Variants in SLC30A8 observed in about 807,000 individuals in gnomAD.
SLC30A8 encodes solute carrier family 30 member 8.
In SLC30A8, 27 loss-of-function variants were observed where a neutral mutation model predicts 36.9. The ratio of observed to expected loss-of-function variants is 0.73; its 90% CI spans 0.54 to 1.01. The LOEUF (loss-of-function observed/expected upper bound fraction) is 1.01. Among genes scored for constraint, SLC30A8 ranks in the 50% least tolerant of loss-of-function variants. The probability of loss-of-function intolerance (pLI) is 0.00; values close to 1 mark genes in which losing one functional copy is unlikely to be tolerated. For synonymous variants in SLC30A8, 164 were observed against 172.4 expected (o/e 0.95, Z 0.38); for missense variants, 439 against 452.0 (o/e 0.97, Z 0.26).
At chr8:117,123,733 T>G (rs1820782081) in intron 2 of SLC30A8, among the ~76,000 whole-genome samples, 1 of 152,050 alleles carries the variant, frequency 6.6e-6, no homozygotes, top group Non-Finnish European at 1.5e-5. Context: ...CACATTTTAA[T>G]TTTATAACAC....
intron 1 of SLC30A8, among the ~76,000 whole-genome samples, chr8:116,954,082 A>ATTATTCTTGG (rs1814098746): frequency 6.6e-6 from 1 of 152,210 alleles, no homozygotes; most frequent in South Asian, 2.1e-4. Context: ...AGAATAATCA[A>ATTATTCTTGG]TAATTTTTGG....
intron 2 of SLC30A8, among the ~76,000 whole-genome samples, chr8:117,063,568 A>G (rs1397563546): frequency 6.6e-6 from 1 of 152,202 alleles, no homozygotes; most frequent in Non-Finnish European, 1.5e-5. Context: ...TGGAAAATAT[A>G]TTGGAAATAT....
chr8:117,121,504 G>A (rs1820692559), intron 2 of SLC30A8, among the ~76,000 whole-genome samples: 1 of 151,864 alleles, frequency 6.6e-6, no homozygotes, highest in Non-Finnish European at 1.5e-5. Context: ...CCTTCTTGTT[G>A]TGTCCTCACA....
At chr8:117,072,282 A>T (rs1220049386) in intron 2 of SLC30A8, among the ~76,000 whole-genome samples, 4 of 152,194 alleles carry the variant, frequency 2.6e-5, no homozygotes, top group Admixed American at 2.6e-4. Flanking sequence ...CTTTTCTGAA[A>T]GCAGCCTCTT....
intron 2 of SLC30A8, among the ~76,000 whole-genome samples, chr8:117,043,053 T>G (rs1460753778): frequency 2.0e-5 from 3 of 152,238 alleles, no homozygotes; most frequent in Admixed American, 6.5e-5. Flanking sequence ...ATGCTTAGGA[T>G]CATATCAGAA....
At chr8:117,101,680 T>G (rs1332900674) in intron 2 of SLC30A8, among the ~76,000 whole-genome samples, 1 of 152,122 alleles carries the variant, frequency 6.6e-6, no homozygotes, top group African/African-American at 2.4e-5. Flanking sequence ...TCAATCTAGG[T>G]GGGCACAATC....
At chr8:116,964,545 C>A (rs529008695) in intron 1 of SLC30A8, among the ~76,000 whole-genome samples, 1 of 152,292 alleles carries the variant, frequency 6.6e-6, no homozygotes, top group Admixed American at 6.5e-5. Flanking sequence ...ATCATCCTAG[C>A]AAAGTGTTTA....
intron 2 of SLC30A8, among the ~76,000 whole-genome samples, chr8:117,043,338 G>A (rs1300845510): frequency 6.6e-6 from 1 of 152,236 alleles, no homozygotes; most frequent in African/African-American, 2.4e-5. Context: ...GGGCTTCGTT[G>A]GTCAGGAGAA....
chr8:117,140,514 G>T (rs967499431), intron 1 of SLC30A8, among the ~76,000 whole-genome samples: 3 of 151,986 alleles, frequency 2.0e-5, no homozygotes, highest in African/African-American at 2.4e-5. Context: ...AAAAAGAAAA[G>T]ATTCATTATG....
chr8:117,091,474 A>G (rs1050389726), intron 2 of SLC30A8, among the ~76,000 whole-genome samples: 1 of 152,078 alleles, frequency 6.6e-6, no homozygotes, highest in Admixed American at 6.6e-5. Context: ...GGCAGCTTTC[A>G]GTTTCTGCCC....
chr8:117,095,156 C>G (rs116264808), intron 2 of SLC30A8, among the ~76,000 whole-genome samples: 1 of 152,158 alleles, frequency 6.6e-6, no homozygotes, highest in Non-Finnish European at 1.5e-5. Flanking sequence ...CCTGCCTACT[C>G]CCAGCCCCCG....
chr8:117,114,534 C>T lies in SLC30A8; in HGVS notation c.-225-20746C>T, dbSNP rs569120410. Among the ~76,000 whole-genome samples the T allele has an allele frequency of 4.6e-5, 7 of 152,176 alleles. No homozygotes were observed. The South Asian group carries it at 1.5e-3, about 32-fold the overall frequency. On this transcript the variant is annotated intron_variant, in intron 2 of 10. Transcript: ENST00000427715. ...CCCCACTCAAAGGCTAAGCTGACCC[C>T]CGTCAGCTTTAAATCCCTAGCCCTC...
chr8:117,013,516 AAAAG>A (rs970223203), intron 1 of SLC30A8, among the ~76,000 whole-genome samples: 1 of 152,182 alleles, frequency 6.6e-6, no homozygotes, highest in African/African-American at 2.4e-5. Flanking sequence ...GTGGAAGTAA[AAAAG>A]AAAATAAAAT....
chr8:117,029,623 C>T (rs1816972537), intron 1 of SLC30A8, among the ~76,000 whole-genome samples: 1 of 152,182 alleles, frequency 6.6e-6, no homozygotes, highest in South Asian at 2.1e-4. Context: ...TTCCCTGGCT[C>T]ACTGTCATGG....
chr8:117,118,193 A>C (rs1484395790), intron 2 of SLC30A8, among the ~76,000 whole-genome samples: 4 of 149,752 alleles, frequency 2.7e-5, no homozygotes, highest in East Asian at 2.0e-4. Flanking sequence ...AAAAAAAAAA[A>C]CCAAAAAACA....
intron 2 of SLC30A8, among the ~76,000 whole-genome samples, chr8:117,057,328 G>A (rs545127313): frequency 6.6e-6 from 1 of 152,030 alleles, no homozygotes; most frequent in Non-Finnish European, 1.5e-5. Context: ...ATTGTATAAC[G>A]CTTACCACAA....
intron 1 of SLC30A8, among the ~76,000 whole-genome samples, chr8:117,139,328 G>C (rs1392119291): frequency 6.6e-6 from 1 of 151,962 alleles, no homozygotes; most frequent in East Asian, 1.9e-4. Flanking sequence ...GTTCTTATAA[G>C]AAGAGACTCC....
At chr8:117,025,779 T>C (rs1372934616) in intron 1 of SLC30A8, among the ~76,000 whole-genome samples, 1 of 152,082 alleles carries the variant, frequency 6.6e-6, no homozygotes, top group East Asian at 1.9e-4. Context: ...CTGCCTGAAT[T>C]TCTGGTGGCC....
At position 117,171,072 on chromosome 8, in the gene SLC30A8, C is replaced by T; in HGVS notation, c.868C>T (p.Leu290Phe). 1 of 1,611,208 alleles carries T rather than the reference C, an allele frequency of 6.2e-7. No individual in the cohort carries two copies. Among genetic ancestry groups the T allele is most frequent in the Non-Finnish European group, 8.5e-7 (1 of 1,178,694 alleles). Residue 290 changes from leucine (L) to phenylalanine (F), a missense_variant, in exon 7 of 8, where the codon CTT becomes TTT. Physicochemically the swap from Leu to Phe is conservative, Grantham distance 22 (BLOSUM62 0). Transcript: ENST00000456015. ...CCTGAATTACAGTGGTGTGAAAGAGCTTATTTTAGCAGTCGACGGGGTGCT... is the reference window on the plus strand; with the variant it reads ...CCTGAATTACAGTGGTGTGAAAGAGTTTATTTTAGCAGTCGACGGGGTGCT... ...KSLNYSGVKE[L>F]ILAVDGVLSV...
Sources: allele counts gnomAD v4.1 joint callset (sites outside exome capture counted in the v4.1 genomes callset), GRCh38; gene constraint gnomAD v4.1.1; transcripts MANE v1.5; gene names NCBI Gene and HGNC (gene_info 2026-07-23, HGNC 2026-07-21).